ZNF776: variants seen among roughly 807,000 people sequenced by gnomAD.
ZNF776 encodes zinc finger protein 776.
ZNF776 carries 4 observed loss-of-function variants against 7.0 expected under a neutral mutation model. That is an observed-to-expected ratio of 0.57 (90% CI 0.28 to 1.31). The LOEUF is 1.31. Among genes scored for constraint, ZNF776 ranks in the 50% most tolerant of loss-of-function variants. The probability of loss-of-function intolerance (pLI) is 0.10; values close to 1 mark genes in which losing one functional copy is unlikely to be tolerated. For synonymous variants in ZNF776, 212 were observed against 213.7 expected (o/e 0.99, Z 0.07); for missense variants, 555 against 625.9 (o/e 0.89, Z 1.21).
intron 2 of ZNF776, among the ~76,000 whole-genome samples, chr19:57,753,087 A>G (rs898604614): frequency 3.3e-5 from 5 of 152,268 alleles, no homozygotes; most frequent in African/African-American, 7.2e-5. Context: ...GGAGCCAACA[A>G]TACATGCACT....
At position 57,755,921 on chromosome 19, in the gene ZNF776, G is replaced by A. The variant is rs2122526222; in HGVS notation, c.*1234G>A. 6.6e-6 allele frequency: 1 copy of A among 152,314 alleles called. No individual in the cohort carries two copies. Among genetic ancestry groups the A allele is most frequent in the Non-Finnish European group, 1.5e-5 (1 of 68,038 alleles). The allele number at this position is 152,314 out of a possible 1,614,324, so 9.4% of individuals were successfully genotyped here. On this transcript the variant is annotated 3_prime_UTR_variant, in exon 3 of 3. Transcript: ENST00000317178. ...CGTTCCTTTCTCATTTCTCTATGAA[G>A]AGTTAGGCCATGGACCTGACTCAGT...
chr19:57,754,668 A>G lies in ZNF776; in HGVS notation c.1538A>G (p.Glu513Gly). Reference sequence around the variant, plus strand: ...AAACATCAACGAGTTCACACGGGAGAAAGACATCATGAATGTTGAAAATTT... The same window carrying G: ...AAACATCAACGAGTTCACACGGGAGGAAGACATCATGAATGTTGAAAATTT... Reference protein sequence around the residue: ...LIKHQRVHTGERHHEC With the variant: ...LIKHQRVHTGGRHHEC The change falls in exon 3 of 3, where the codon GAA becomes GGA. Residue 513 changes from glutamate to glycine, a missense_variant. Coordinates refer to ENST00000317178, the MANE Select transcript of ZNF776 (RefSeq NM_173632.4). The G allele has an allele frequency of 6.2e-7, 1 of 1,610,580 alleles. No homozygotes were observed. The highest frequency in any genetic ancestry group is 8.5e-7 in the Non-Finnish European group (1 of 1,177,008).
At chr19:57,752,515 G>A (rs1986638370) in intron 2 of ZNF776, among the ~76,000 whole-genome samples, 1 of 152,126 alleles carries the variant, frequency 6.6e-6, no homozygotes, top group Non-Finnish European at 1.5e-5. Flanking sequence ...CAGCATGATG[G>A]GCCCAGAGGG....
rs1012960233 is a variant in ZNF776 at position 57,753,490 on chromosome 19, A to G, written c.360A>G (p.Glu120=). The G allele has an allele frequency of 5.0e-6, 8 of 1,614,092 alleles. No individual in the cohort carries two copies. The highest frequency in any genetic ancestry group is 6.8e-6 in the Non-Finnish European group (8 of 1,180,032). ...NQKLNGFGAY[E]KKLDDDANHH... is the part of the protein sequence containing the mutation. Reference sequence around the variant, plus strand: ...AATTGAATGGGTTTGGGGCATATGAAAAAAAATTGGATGACGATGCAAACC... The same window carrying G: ...AATTGAATGGGTTTGGGGCATATGAGAAAAAATTGGATGACGATGCAAACC... Residue 120 remains glutamate (E), a synonymous_variant, in exon 3 of 3, where the codon GAA becomes GAG. Coordinates refer to ENST00000317178, the MANE Select transcript of ZNF776 (RefSeq NM_173632.4).
At position 57,753,843 on chromosome 19, in the gene ZNF776, G is replaced by A. The variant is rs746615068; in HGVS notation, c.713G>A (p.Cys238Tyr). The A allele has an allele frequency of 3.7e-6, 6 of 1,614,084 alleles. No homozygotes were observed. In the Admixed American group the frequency reaches 8.3e-5, roughly 22 times the overall value. Residue 238 changes from cysteine to tyrosine, a missense_variant, in exon 3 of 3, where the codon TGC becomes TAC. Coordinates refer to ENST00000317178, the MANE Select transcript of ZNF776 (RefSeq NM_173632.4). ...RLLPREGPYVCSDSGKFTSKS... is the reference protein window; with the variant it reads ...RLLPREGPYVYSDSGKFTSKS... ...CTCCCTAGAGAAGGACCTTATGTAT[G>A]CAGTGATTCTGGGAAATTCACTAGC...
rs914328382 is a variant in ZNF776 at position 57,754,760 on chromosome 19, T to G, written c.*73T>G. 2.0e-6 allele frequency: 3 copies of G among 1,486,826 alleles called. No individual in the cohort carries two copies. Among genetic ancestry groups the G allele is most frequent in the Admixed American group, 1.9e-5 (1 of 52,626 alleles). 92.1% of individuals were successfully genotyped at this position (1,486,826 alleles called of 1,614,324 possible). On this transcript the variant is annotated 3_prime_UTR_variant, in exon 3 of 3. Coordinates refer to ENST00000317178, the MANE Select transcript of ZNF776 (RefSeq NM_173632.4). ...GTGAGATCACACTGGAAAGCACTTA[T>G]GAGTATGGAGAATGTGCAAAATCAT...
chr19:57,753,717 A>T lies in ZNF776; in HGVS notation c.587A>T (p.Lys196Met). Residue 196 changes from lysine to methionine, a missense_variant, in exon 3 of 3, where the codon AAG (lysine) becomes ATG (methionine). By Grantham distance (95) the Lys-to-Met change is moderately conservative (BLOSUM62 -1). Transcript: ENST00000317178. The stretch of plus-strand genomic sequence containing the variant: ...TCAGGGAAGTCAAACTTTGAAACTA[A>T]GCATGGGATACCCCTTCAGGGTGGA... ...HTSGKSNFET[K>M]HGIPLQGGKT... 3.1e-6 allele frequency: 5 copies of T among 1,614,232 alleles called. No homozygotes were observed. Among genetic ancestry groups the T allele is most frequent in the Non-Finnish European group, 3.4e-6 (4 of 1,180,042 alleles).
rs774349233 is a variant in ZNF776, at chr19:57,747,037, C to A, written c.-22C>A. On this transcript the variant is annotated 5_prime_UTR_variant, in exon 1 of 3. Coordinates refer to ENST00000317178, the MANE Select transcript of ZNF776 (RefSeq NM_173632.4). ...GCACTGCTCGCCCCCTCCTTTCGAC[C>A]CCGCTTTCCCCACCCAGTCGGATGG... 1 of 1,575,250 alleles carries A rather than the reference C, an allele frequency of 6.3e-7. No homozygotes were observed. Among genetic ancestry groups the A allele is most frequent in the Non-Finnish European group, 8.6e-7 (1 of 1,160,168 alleles).
Position 57,754,082 on chromosome 19 carries a change from A to G in ZNF776, c.952A>G (p.Arg318Gly). ...VDHQRVHTGERPYECDECGKS... is the reference protein window; with the variant it reads ...VDHQRVHTGEGPYECDECGKS... ...CCATCAGCGAGTTCACACTGGAGAA[A>G]GACCTTATGAATGTGACGAATGTGG... is the stretch of plus-strand genomic sequence containing the variant. Residue 318 changes from arginine (R) to glycine (G), a missense_variant, in exon 3 of 3, where the codon AGA (arginine) becomes GGA (glycine). Transcript: ENST00000317178. 1 of 1,614,150 alleles carries G rather than the reference A, an allele frequency of 6.2e-7. No individual in the cohort carries two copies. The highest frequency in any genetic ancestry group is 8.5e-7 in the Non-Finnish European group (1 of 1,180,012).
intron 1 of ZNF776, among the ~76,000 whole-genome samples, chr19:57,748,375 A>G (rs999618779): frequency 5.9e-5 from 9 of 152,200 alleles, no homozygotes; most frequent in African/African-American, 1.7e-4. Flanking sequence ...ATATTATGCA[A>G]ATATCAGGAT....
intron 1 of ZNF776, among the ~76,000 whole-genome samples, chr19:57,749,546 A>G (rs186415294): frequency 1.9e-3 from 285 of 152,354 alleles, no homozygotes; most frequent in African/African-American, 6.7e-3. Flanking sequence ...GTATAAAGCC[A>G]AAAATGGAGG....
chr19:57,747,058 G>T lies in ZNF776; in HGVS notation c.-1G>T. 1 of 1,587,558 alleles carries T rather than the reference G, an allele frequency of 6.3e-7. No homozygotes were observed. Among genetic ancestry groups the T allele is most frequent in the African/African-American group, 1.3e-5 (1 of 74,240 alleles). ...CGACCCCGCTTTCCCCACCCAGTCGGATGGCGGCGGCCGCGCTGAGGCCCC... is the reference window on the plus strand; with the variant it reads ...CGACCCCGCTTTCCCCACCCAGTCGTATGGCGGCGGCCGCGCTGAGGCCCC... On this transcript the variant is annotated 5_prime_UTR_variant, in exon 1 of 3. Transcript: ENST00000317178.
chr19:57,747,236 A>T (rs1986462686), intron 1 of ZNF776, 145 bp downstream of exon 1: 1 of 834,976 alleles, frequency 1.2e-6, no homozygotes, highest in Non-Finnish European at 1.8e-6. Context: ...CCCGTTTTTG[A>T]CACCCGCGGG....
At position 57,756,916 on chromosome 19, in the gene ZNF776, G is replaced by C. The variant is rs757338408; in HGVS notation, c.*2229G>C. 2.2e-6 allele frequency: 1 copy of C among 449,642 alleles called. No individual in the cohort carries two copies. The highest frequency in any genetic ancestry group is 4.5e-6 in the Non-Finnish European group (1 of 224,298). The allele number at this position is 449,642 out of a possible 1,614,324, so 27.9% of individuals were successfully genotyped here. On this transcript the variant is annotated 3_prime_UTR_variant, in exon 3 of 3. Coordinates refer to ENST00000317178, the MANE Select transcript of ZNF776 (RefSeq NM_173632.4). ...AACTCAGGCTGGAATACACTGGCAT[G>C]GTCATACCTCACTGCGGCCTCAAAC...
chr19:57,751,873 T>TTTTTG (rs1313227539), intron 2 of ZNF776, among the ~76,000 whole-genome samples: 4 of 112,328 alleles, frequency 3.6e-5, no homozygotes, highest in South Asian at 5.7e-4. Flanking sequence ...GTTTTGTTTT[T>TTTTTG]TTTTTTTTTT....
At chr19:57,749,458 G>T (rs1986540265) in intron 1 of ZNF776, 1 of 152,214 alleles carries the variant, frequency 6.6e-6, no homozygotes, top group Non-Finnish European at 1.5e-5. Flanking sequence ...CTGCTAATGG[G>T]AACCATGGTC....
In ZNF776 at chr19:57,756,073, C is replaced by T. The variant is rs1431799865; in HGVS notation, c.*1386C>T. The T allele has an allele frequency of 6.6e-6, 1 of 152,048 alleles. No individual in the cohort carries two copies. The highest frequency in any genetic ancestry group is 1.5e-5 in the Non-Finnish European group (1 of 68,024). 9.4% of individuals were successfully genotyped at this position (152,048 alleles called of 1,614,324 possible). On this transcript the variant is annotated 3_prime_UTR_variant, in exon 3 of 3. Transcript: ENST00000317178. ...GCTGATGAACTTTTTTAAAAAATCA[C>T]ACAAAAACCCTCATAATGTTTTAAG...
Position 57,756,704 on chromosome 19 carries a change from C to T in ZNF776, c.*2017C>T, listed in dbSNP as rs1986787166. On this transcript the variant is annotated 3_prime_UTR_variant, in exon 3 of 3. Coordinates refer to ENST00000317178, the MANE Select transcript of ZNF776 (RefSeq NM_173632.4). ...CTTCTGAGAACAGCACAAAATTATTCTCTTGTTTATAATGGATATTGCATT... is the reference window on the plus strand; with the variant it reads ...CTTCTGAGAACAGCACAAAATTATTTTCTTGTTTATAATGGATATTGCATT... The T allele has an allele frequency of 4.9e-6, 1 of 203,884 alleles. No homozygotes were observed. Among genetic ancestry groups the T allele is most frequent in the South Asian group, 5.9e-5 (1 of 16,972 alleles). The allele number at this position is 203,884 out of a possible 1,614,324, so 12.6% of individuals were successfully genotyped here.
At chr19:57,753,181 C>G in intron 2 of ZNF776, 110 bp from the exon 3 acceptor site, 1 of 1,049,852 alleles carries the variant, frequency 9.5e-7, no homozygotes, top group East Asian at 2.4e-5. Context: ...AAGGATATGT[C>G]TAGGCCCAAG....
Sources: allele counts gnomAD v4.1 joint callset (sites outside exome capture counted in the v4.1 genomes callset), GRCh38; gene constraint gnomAD v4.1.1; transcripts MANE v1.5; gene names NCBI Gene and HGNC (gene_info 2026-07-23, HGNC 2026-07-21).